Variants in SETDB2 observed in about 807,000 individuals in gnomAD.
SETDB2 encodes histone-lysine N-methyltransferase SETDB2.
In SETDB2, 56 loss-of-function variants were observed where a neutral mutation model predicts 82.5. That is an observed-to-expected ratio of 0.68 (90% confidence interval 0.55 to 0.85). SETDB2 has a LOEUF of 0.85. Ranked by LOEUF, SETDB2 falls within the 40% of genes least tolerant of loss-of-function variation. SETDB2 has a pLI of 0.00. For missense variants in SETDB2, 677 were observed against 816.4 expected (o/e 0.83, Z 2.08); for synonymous variants, 272 against 284.9 (o/e 0.95, Z 0.46).
At position 49,461,163 on chromosome 13, in the gene SETDB2, G is replaced by A. The variant is rs774458710; in HGVS notation, c.208+1G>A. 1.3e-6 allele frequency: 2 copies of A among 1,592,030 alleles called. No individual in the cohort carries two copies. Among genetic ancestry groups the A allele is most frequent in the Non-Finnish European group, 1.7e-6 (2 of 1,161,072 alleles). On this transcript the variant is annotated splice_donor_variant, in intron 4 of 13. Transcript: ENST00000611815. LOFTEE classifies it high-confidence loss of function. The stretch of plus-strand genomic sequence containing the variant: ...ATTAACAGTTCAACATCAATAAAGG[G>A]TATGTACATCTCTATTCCCATTGTA...
chr13:49,449,411 C>A (rs1293266151), intron 1 of SETDB2, among the ~76,000 whole-genome samples: 1 of 151,998 alleles, frequency 6.6e-6, no homozygotes, highest in Non-Finnish European at 1.5e-5. Context: ...CCACCACACC[C>A]AGCTAATTTT....
At chr13:49,481,436 TA>T (rs71078851) in intron 8 of SETDB2, among the ~76,000 whole-genome samples, 11 of 146,044 alleles carry the variant, frequency 7.5e-5, no homozygotes, top group African/African-American at 1.3e-4. Context: ...TTGTTAAAAG[TA>T]AAAAAAAAAA....
chr13:49,488,215 A>C (rs936422489), intron 11 of SETDB2, 75 bp from the exon 12 acceptor site: 5 of 1,501,212 alleles, frequency 3.3e-6, no homozygotes, highest in Middle Eastern at 2.3e-4. Flanking sequence ...CCTAGCATCT[A>C]ATTAGTGTTG....
intron 1 of SETDB2, 102 bp from the exon 2 acceptor site, chr13:49,451,451 T>C (rs1024135461): frequency 7.0e-6 from 1 of 142,148 alleles, no homozygotes; most frequent in African/African-American, 2.6e-5. Context: ...CAAGCTGTTA[T>C]AACAATATCT....
At position 49,492,430 on chromosome 13, in the gene SETDB2, G is replaced by C. The variant is rs1173898391; in HGVS notation, c.*581G>C. On this transcript the variant is annotated 3_prime_UTR_variant, in exon 14 of 14. Coordinates refer to ENST00000611815, the MANE Select transcript of SETDB2 (RefSeq NM_001160308.3). ...TCAACCATTTGAGTGGGGAGAGGGA[G>C]AAGCTCTTCTGTAAGTAAGATTCTG... 1 of 152,972 alleles carries C rather than the reference G, an allele frequency of 6.5e-6. No homozygotes were observed. The highest frequency in any genetic ancestry group is 1.5e-5 in the Non-Finnish European group (1 of 68,648). The allele number at this position is 152,972 out of a possible 1,614,324, so 9.5% of individuals were successfully genotyped here.
At chr13:49,452,313 A>C (rs1488269794) in intron 2 of SETDB2, among the ~76,000 whole-genome samples, 1 of 152,014 alleles carries the variant, frequency 6.6e-6, no homozygotes, top group Non-Finnish European at 1.5e-5. Flanking sequence ...GGGTTTCACC[A>C]TGTTGGTCAG....
intron 4 of SETDB2, among the ~76,000 whole-genome samples, chr13:49,463,604 G>C (rs1350852712): frequency 6.6e-6 from 1 of 152,230 alleles, no homozygotes; most frequent in Admixed American, 6.5e-5. Flanking sequence ...TTGCTATGCA[G>C]CCCAGATGTC....
At chr13:49,454,284 A>G (rs1486209959) in intron 2 of SETDB2, among the ~76,000 whole-genome samples, 1 of 152,160 alleles carries the variant, frequency 6.6e-6, no homozygotes, top group Admixed American at 6.5e-5. Flanking sequence ...ACACGCCTAT[A>G]TGTAATCCCA....
At chr13:49,461,881 TC>T (rs1268459388) in intron 4 of SETDB2, among the ~76,000 whole-genome samples, 1 of 152,162 alleles carries the variant, frequency 6.6e-6, no homozygotes, top group Non-Finnish European at 1.5e-5. Context: ...CACAACCCCC[TC>T]CTCAGATTCC....
At chr13:49,462,810 T>A (rs1566160676) in intron 4 of SETDB2, among the ~76,000 whole-genome samples, 1 of 152,206 alleles carries the variant, frequency 6.6e-6, no homozygotes, top group Non-Finnish European at 1.5e-5. Flanking sequence ...ATTCAAAGTA[T>A]CCTCAATTTC....
chr13:49,476,443 T>C, intron 5 of SETDB2, 33 bp from the exon 6 acceptor site: 1 of 1,372,670 alleles, frequency 7.3e-7, no homozygotes. Context: ...GAACTATAAA[T>C]TTGAGATACT....
Position 49,452,724 on chromosome 13 carries a change from A to G in SETDB2, c.16+815A>G, listed in dbSNP as rs374921476. On this transcript the variant is annotated intron_variant, in intron 2 of 13. Transcript: ENST00000611815. ...GTTTCTGAGACTTTTCTTGTTTTTT[A>G]TTTTTTTGGGATTTTGTATCCAAAT... Among the ~76,000 whole-genome samples, 221 of 151,652 alleles carry G rather than the reference A, an allele frequency of 1.5e-3. 2 individuals carry two copies. The highest frequency in any genetic ancestry group is 5.1e-3 in the African/African-American group (210 of 41,324).
chr13:49,483,383 A>G (rs549655229), intron 9 of SETDB2, 81 bp from the exon 10 acceptor site: 6 of 508,854 alleles, frequency 1.2e-5, no homozygotes, highest in Non-Finnish European at 2.1e-5. Flanking sequence ...TATTTATGTA[A>G]TAATGGATAT....
chr13:49,476,009 T>C (rs1958351332), intron 5 of SETDB2, among the ~76,000 whole-genome samples: 1 of 152,198 alleles, frequency 6.6e-6, no homozygotes, highest in Non-Finnish European at 1.5e-5. Context: ...TCAGCATGCC[T>C]GAAGAAGTAA....
chr13:49,446,716 T>C (rs1957697544), intron 1 of SETDB2, among the ~76,000 whole-genome samples: 1 of 152,226 alleles, frequency 6.6e-6, no homozygotes. Flanking sequence ...TTGTCTCTTT[T>C]ATTGGTCTTG....
At chr13:49,467,591 C>T (rs1405835861) in intron 4 of SETDB2, among the ~76,000 whole-genome samples, 1 of 152,182 alleles carries the variant, frequency 6.6e-6, no homozygotes, top group East Asian at 1.9e-4. Flanking sequence ...CAATGTCCAC[C>T]TTAAAGATTG....
Position 49,494,764 on chromosome 13 carries a change from TTC to T in SETDB2, c.*2921_*2922del, listed in dbSNP as rs1456602256. On this transcript the variant is annotated 3_prime_UTR_variant, in exon 14 of 14. Coordinates refer to ENST00000611815, the MANE Select transcript of SETDB2 (RefSeq NM_001160308.3). ...ACTATACAAATTGTCCTTTTTAATG[TTC>T]TCTCTTCTGCTATCCCTAGTTGGCA... 2 of 152,370 alleles carry T rather than the reference TTC, an allele frequency of 1.3e-5. No homozygotes were observed. The highest frequency in any genetic ancestry group is 1.9e-4 in the East Asian group (1 of 5,190). The allele number at this position is 152,370 out of a possible 1,614,324, so 9.4% of individuals were successfully genotyped here.
intron 5 of SETDB2, among the ~76,000 whole-genome samples, chr13:49,475,384 T>C (rs958957204): frequency 3.3e-5 from 5 of 152,136 alleles, no homozygotes; most frequent in Non-Finnish European, 4.4e-5. Context: ...ACCTGTATTA[T>C]AATACATAAC....
In SETDB2 at chr13:49,494,427, T is replaced by C. The variant is rs1853301111; in HGVS notation, c.*2578T>C. On this transcript the variant is annotated 3_prime_UTR_variant, in exon 14 of 14. Coordinates refer to ENST00000611815, the MANE Select transcript of SETDB2 (RefSeq NM_001160308.3). The stretch of plus-strand genomic sequence containing the variant: ...GTTTTGGTCGTTCACATTATAGGCT[T>C]TCCTCAGAGTTAATGGTCTTGGTAG... 1 of 152,208 alleles carries C rather than the reference T, an allele frequency of 6.6e-6. No homozygotes were observed. The highest frequency in any genetic ancestry group is 1.5e-5 in the Non-Finnish European group (1 of 68,038). 9.4% of individuals were successfully genotyped at this position (152,208 alleles called of 1,614,324 possible).
Sources: allele counts gnomAD v4.1 joint callset (sites outside exome capture counted in the v4.1 genomes callset), GRCh38; gene constraint gnomAD v4.1.1; transcripts MANE v1.5; gene names NCBI Gene and HGNC (gene_info 2026-07-23, HGNC 2026-07-21).